Variants in BCKDHA observed in about 807,000 individuals in gnomAD.
BCKDHA encodes 2-oxoisovalerate dehydrogenase subunit alpha, mitochondrial.
BCKDHA carries 43 observed loss-of-function variants against 52.2 expected under a neutral mutation model. That is an observed-to-expected ratio of 0.82 (90% CI 0.64 to 1.06). The LOEUF (loss-of-function observed/expected upper bound fraction) is 1.06, where lower values mean the gene tolerates loss of function less well. Among genes scored for constraint, BCKDHA ranks in the 50% least tolerant of loss-of-function variants. BCKDHA has a pLI of 0.00. For synonymous variants in BCKDHA, 234 were observed against 247.9 expected, an observed-to-expected ratio of 0.94 and a Z score of 0.53; for missense variants, 527 against 621.3, an observed-to-expected ratio of 0.85 and a Z score of 1.61.
intron 1 of BCKDHA, chr19:41,399,640 C>G (rs1334630162): frequency 6.6e-6 from 1 of 150,700 alleles, no homozygotes; most frequent in Non-Finnish European, 1.5e-5. Context: ...CCCACCTGTT[C>G]TTTCTCTCTT....
chr19:41,414,220 G>A (rs2039286238), intron 4 of BCKDHA, 63 bp downstream of exon 4: 2 of 1,491,270 alleles, frequency 1.3e-6, no homozygotes, highest in African/African-American at 2.8e-5. Flanking sequence ...GTTTTTCTGA[G>A]TGTTCTTCCA....
intron 5 of BCKDHA, among the ~76,000 whole-genome samples, chr19:41,421,414 G>A (rs1019001692): frequency 2.0e-5 from 3 of 151,884 alleles, no homozygotes; most frequent in African/African-American, 7.3e-5. Context: ...GGTGGCTGGG[G>A]TCCGTCACTG....
At chr19:41,410,591 G>A (rs759265266) in intron 1 of BCKDHA, 46 bp from the exon 2 acceptor site, 26 of 1,611,096 alleles carry the variant, frequency 1.6e-5, no homozygotes, top group Non-Finnish European at 2.2e-5. Flanking sequence ...GCGGAAACCT[G>A]GGTGCTGCTT....
chr19:41,408,504 T>A (rs990120627), intron 1 of BCKDHA, among the ~76,000 whole-genome samples: 1 of 152,046 alleles, frequency 6.6e-6, no homozygotes, highest in Admixed American at 6.6e-5. Context: ...TCCCAGTGGG[T>A]TCATATCCCT....
chr19:41,405,243 G>A (rs1285992328), intron 1 of BCKDHA, among the ~76,000 whole-genome samples: 4 of 151,982 alleles, frequency 2.6e-5, no homozygotes, highest in African/African-American at 9.6e-5. Flanking sequence ...TACCACCCTC[G>A]GTGTACACAG....
At chr19:41,417,774 A>C (rs1166871794) in intron 4 of BCKDHA, among the ~76,000 whole-genome samples, 1 of 151,972 alleles carries the variant, frequency 6.6e-6, no homozygotes, top group African/African-American at 2.4e-5. Context: ...AAAATGCAAA[A>C]ATTAGCTGGA....
Position 41,422,698 on chromosome 19 carries a change from A to G in BCKDHA, c.923A>G (p.Asn308Ser), listed in dbSNP as rs558331396. Residue 308 changes from asparagine (N) to serine (S), a missense_variant, in exon 7 of 9, where the codon AAC becomes AGC. Physicochemically the swap from Asn to Ser is conservative, Grantham distance 46. Transcript: ENST00000269980. ...VDGNDVFAVY[N>S]ATKEARRRAV... is the part of the protein sequence containing the mutation. ...GGTAATGATGTGTTTGCCGTATACA[A>G]CGCCACAAAGGAGGCCCGACGGCGG... 60 of 1,614,178 alleles carry G rather than the reference A, an allele frequency of 3.7e-5. No homozygotes were observed. Among genetic ancestry groups the G allele is most frequent in the Middle Eastern group, 1.6e-4 (1 of 6,062 alleles).
At chr19:41,416,342 G>T (rs938625747) in intron 4 of BCKDHA, among the ~76,000 whole-genome samples, 1 of 152,186 alleles carries the variant, frequency 6.6e-6, no homozygotes, top group African/African-American at 2.4e-5. Context: ...GTTAGGGCAG[G>T]CCCCAGTGGT....
chr19:41,409,545 A>G (rs1372791568), intron 1 of BCKDHA, among the ~76,000 whole-genome samples: 1 of 152,060 alleles, frequency 6.6e-6, no homozygotes, highest in Non-Finnish European at 1.5e-5. Context: ...TGGACACTGA[A>G]GCGTATGTAG....
chr19:41,420,918 T>A (rs60715253), intron 5 of BCKDHA, among the ~76,000 whole-genome samples: 1 of 152,212 alleles, frequency 6.6e-6, no homozygotes, highest in Admixed American at 6.5e-5. Flanking sequence ...CTAGGGTTGG[T>A]CTGGGCCCTG....
Position 41,424,494 on chromosome 19 carries a change from C to T in BCKDHA, c.1224C>T (p.Leu408=), listed in dbSNP as rs368383404. The change falls in exon 9 of 9, where the codon CTC becomes CTT. Residue 408 remains leucine, a synonymous_variant. Transcript: ENST00000269980. The part of the protein sequence containing the change: ...ERKPKPNPNL[L]FSDVYQEMPA... ...AGCCCAAACCCAACCCCAACCTACT[C>T]TTCTCAGACGTGTATCAGGAGATGC... 28 of 1,614,066 alleles carry T rather than the reference C, an allele frequency of 1.7e-5. No homozygotes were observed. The highest frequency in any genetic ancestry group is 2.4e-5 in the Non-Finnish European group (28 of 1,180,042).
At chr19:41,423,832 C>CAAA (rs5828107) in intron 8 of BCKDHA, among the ~76,000 whole-genome samples, 1 of 147,090 alleles carries the variant, frequency 6.8e-6, no homozygotes. Flanking sequence ...GACTCCATCT[C>CAAA]AAAAAAAAAA....
chr19:41,419,150 G>C lies in BCKDHA; in HGVS notation c.500G>C (p.Arg167Pro). ...CCCCTCCTAGGTGTGCTGATGTATC[G>C]GGACTACCCCCTGGAACTATTCATG... Reference protein sequence around the residue: ...QYREAGVLMYRDYPLELFMAQ... With the variant: ...QYREAGVLMYPDYPLELFMAQ... Residue 167 changes from arginine (R) to proline (P), a missense_variant, in exon 5 of 9, where the codon CGG (arginine) becomes CCG (proline). By Grantham distance (103) the Arg-to-Pro change is moderately radical. Transcript: ENST00000269980. The C allele has an allele frequency of 1.2e-6, 2 of 1,614,122 alleles. No individual in the cohort carries two copies. Among genetic ancestry groups the C allele is most frequent in the Non-Finnish European group, 1.7e-6 (2 of 1,180,014 alleles).
At chr19:41,405,135 C>G (rs4803463) in intron 1 of BCKDHA, among the ~76,000 whole-genome samples, 94,559 of 151,954 alleles carry the variant, frequency 0.62, 29,860 homozygotes, top group African/African-American at 0.7. Context: ...TTACTCACTA[C>G]TTGTGTTTAT....
In BCKDHA at chr19:41,401,709, G is replaced by A. The variant is rs371197042; in HGVS notation, c.108+3774G>A. ...GTCAGTTTCTCAGCCACTACCCCAG[G>A]CCTGGGCTTGGCTAAGTCATTTCAC... On this transcript the variant is annotated intron_variant, in intron 1 of 8. Coordinates refer to ENST00000269980, the MANE Select transcript of BCKDHA (RefSeq NM_000709.4). Among the ~76,000 whole-genome samples, 84 of 152,284 alleles carry A rather than the reference G, an allele frequency of 5.5e-4. No homozygotes were observed. In the South Asian group the frequency reaches 0.017, roughly 30 times the overall value.
At position 41,408,007 on chromosome 19, in the gene BCKDHA, G is replaced by A. The variant is rs185037060; in HGVS notation, c.109-2630G>A. Among the ~76,000 whole-genome samples the A allele has an allele frequency of 3.7e-3, 552 of 148,064 alleles. 2 individuals carry two copies. The highest frequency in any genetic ancestry group is 5.7e-3 in the Non-Finnish European group (383 of 67,524). ...GTCTCACTTTGTCCCCCAGGCTGGA[G>A]TGCAGTGGCACAGTCTCAGCTCACT... On this transcript the variant is annotated intron_variant, in intron 1 of 8. Coordinates refer to ENST00000269980, the MANE Select transcript of BCKDHA (RefSeq NM_000709.4).
chr19:41,407,950 A>ATTTTTT (rs144717663), intron 1 of BCKDHA, among the ~76,000 whole-genome samples: 2 of 124,476 alleles, frequency 1.6e-5, no homozygotes, highest in Non-Finnish European at 3.3e-5. Flanking sequence ...TTCTGATGTA[A>ATTTTTT]TTTTTTTTTT....
At chr19:41,402,523 C>A (rs1265338845) in intron 1 of BCKDHA, among the ~76,000 whole-genome samples, 1 of 152,198 alleles carries the variant, frequency 6.6e-6, no homozygotes. Context: ...GAGGTCTGAA[C>A]TTGGAGCTCT....
At chr19:41,405,964 C>A (rs976050914) in intron 1 of BCKDHA, among the ~76,000 whole-genome samples, 17 of 152,220 alleles carry the variant, frequency 1.1e-4, no homozygotes, top group Admixed American at 2.0e-4. Context: ...CAGACTCCCC[C>A]ACCCCCTTCC....
Sources: allele counts gnomAD v4.1 joint callset (sites outside exome capture counted in the v4.1 genomes callset), GRCh38; gene constraint gnomAD v4.1.1; transcripts MANE v1.5; gene names NCBI Gene and HGNC (gene_info 2026-07-23, HGNC 2026-07-21).